The following CNTN4 variants were observed in gnomAD, a reference collection of about 807,000 sequenced individuals.
CNTN4 encodes the protein contactin-4.
Under a neutral mutation model 122.5 loss-of-function variants are expected in CNTN4, and 77 were observed. That is an observed-to-expected ratio of 0.63 (90% CI 0.52 to 0.76). The LOEUF (loss-of-function observed/expected upper bound fraction) is 0.76, where lower values mean the gene tolerates loss of function less well. Among genes scored for constraint, CNTN4 ranks in the 30% least tolerant of loss-of-function variants. The pLI is 0.00. For synonymous variants in CNTN4, 512 were observed against 447.0 expected, an observed-to-expected ratio of 1.15 and a Z score of -1.83; for missense variants, 1,256 against 1,259.1, an observed-to-expected ratio of 1.00 and a Z score of 0.04.
intron 7 of CNTN4, among the ~76,000 whole-genome samples, chr3:2,853,885 T>A (rs1239054078): frequency 6.6e-6 from 1 of 152,188 alleles, no homozygotes; most frequent in Non-Finnish European, 1.5e-5. Context: ...CACTCCCATC[T>A]CTATGCTGGC....
At chr3:2,167,717 TA>T (rs1358885377) in intron 2 of CNTN4, among the ~76,000 whole-genome samples, 2 of 152,252 alleles carry the variant, frequency 1.3e-5, no homozygotes, top group Non-Finnish European at 2.9e-5. Context: ...ATATGATGAC[TA>T]AAAGTAAATG....
intron 6 of CNTN4, among the ~76,000 whole-genome samples, chr3:2,800,499 G>GAGTT (rs1309155656): frequency 6.6e-6 from 1 of 152,184 alleles, no homozygotes; most frequent in Non-Finnish European, 1.5e-5. Context: ...ACAAGATGAG[G>GAGTT]AGTTCTTCAG....
chr3:2,764,691 A>G (rs550245186), intron 6 of CNTN4, among the ~76,000 whole-genome samples: 1 of 152,354 alleles, frequency 6.6e-6, no homozygotes, highest in South Asian at 2.1e-4. Context: ...GCAAGACAGT[A>G]GCTTTCTGTA....
intron 4 of CNTN4, chr3:2,735,743 C>A (rs757739925): frequency 3.6e-5 from 12 of 335,476 alleles, no homozygotes; most frequent in Non-Finnish European, 7.0e-5. Context: ...ATTAGCAATA[C>A]GGAGCTGTTA....
intron 2 of CNTN4, among the ~76,000 whole-genome samples, chr3:2,302,435 A>C (rs953203211): frequency 6.6e-6 from 1 of 152,252 alleles, no homozygotes; most frequent in African/African-American, 2.4e-5. Context: ...CTCAAAAAAC[A>C]AACAAACAGA....
chr3:2,582,032 T>A (rs537116716), intron 4 of CNTN4, among the ~76,000 whole-genome samples: 25 of 152,348 alleles, frequency 1.6e-4, no homozygotes, highest in African/African-American at 6.0e-4. Flanking sequence ...ATATGTGATG[T>A]CTTTTTAGGC....
intron 2 of CNTN4, among the ~76,000 whole-genome samples, chr3:2,101,586 A>G (rs116288955): frequency 0.012 from 1,865 of 152,194 alleles, 33 homozygotes; most frequent in African/African-American, 0.043. Flanking sequence ...TTTTCCCTGT[A>G]ATGCTATGTT....
intron 2 of CNTN4, among the ~76,000 whole-genome samples, chr3:2,313,575 G>T (rs890692488): frequency 6.6e-6 from 1 of 151,946 alleles, no homozygotes; most frequent in African/African-American, 2.4e-5. Context: ...AGAATCTGAC[G>T]CTCAGAATAA....
intron 3 of CNTN4, among the ~76,000 whole-genome samples, chr3:2,418,897 G>A (rs2047514576): frequency 6.6e-6 from 1 of 152,094 alleles, no homozygotes; most frequent in African/African-American, 2.4e-5. Flanking sequence ...AGAATCCCAG[G>A]AAAGGAAAGA....
intron 4 of CNTN4, among the ~76,000 whole-genome samples, chr3:2,594,968 A>C (rs911040388): frequency 1.3e-5 from 2 of 152,246 alleles, no homozygotes; most frequent in Non-Finnish European, 2.9e-5. Flanking sequence ...CTTTTAAAAG[A>C]AGTAACATTG....
intron 6 of CNTN4, among the ~76,000 whole-genome samples, chr3:2,785,916 C>A (rs2091802483): frequency 1.4e-5 from 2 of 140,690 alleles, no homozygotes; most frequent in Non-Finnish European, 3.1e-5. Context: ...CCCCCCCATC[C>A]TGTACCCATA....
At chr3:2,850,797 T>G (rs1378301485) in intron 7 of CNTN4, among the ~76,000 whole-genome samples, 5 of 152,230 alleles carry the variant, frequency 3.3e-5, no homozygotes, top group Non-Finnish European at 7.3e-5. Context: ...AACCAGGGAA[T>G]TTAAATCATA....
At chr3:2,135,539 C>T (rs550880747) in intron 2 of CNTN4, among the ~76,000 whole-genome samples, 2 of 151,536 alleles carry the variant, frequency 1.3e-5, no homozygotes, top group South Asian at 4.2e-4. Context: ...CTTGTTTTTA[C>T]CAGGAAGAAG....
At chr3:2,532,008 T>C (rs1347156689) in intron 3 of CNTN4, among the ~76,000 whole-genome samples, 1 of 152,206 alleles carries the variant, frequency 6.6e-6, no homozygotes, top group African/African-American at 2.4e-5. Context: ...TTGTGTTGCC[T>C]GTTTTTGAAA....
intron 3 of CNTN4, among the ~76,000 whole-genome samples, chr3:2,485,572 G>A (rs1216161363): frequency 6.6e-6 from 1 of 152,132 alleles, no homozygotes; most frequent in Non-Finnish European, 1.5e-5. Context: ...TCTGTGTCTA[G>A]TTCAAGGTTT....
At chr3:2,107,234 C>A (rs1006398496) in intron 2 of CNTN4, among the ~76,000 whole-genome samples, 3 of 152,138 alleles carry the variant, frequency 2.0e-5, no homozygotes, top group Non-Finnish European at 4.4e-5. Context: ...ATAGCAGTAC[C>A]CCACTCTCTG....
chr3:2,234,009 C>A (rs2039586593), intron 2 of CNTN4, among the ~76,000 whole-genome samples: 1 of 152,022 alleles, frequency 6.6e-6, no homozygotes, highest in Admixed American at 6.6e-5. Context: ...CATATAATTC[C>A]TTTCTCTGTT....
chr3:2,982,172 T>C (rs1001782739), intron 13 of CNTN4, among the ~76,000 whole-genome samples: 4 of 152,214 alleles, frequency 2.6e-5, no homozygotes, highest in African/African-American at 4.8e-5. Context: ...GCTTTTTTCT[T>C]CATATTCGGA....
intron 2 of CNTN4, among the ~76,000 whole-genome samples, chr3:2,287,190 C>A (rs1420085611): frequency 6.6e-6 from 1 of 152,106 alleles, no homozygotes; most frequent in Non-Finnish European, 1.5e-5. Context: ...CAAACTTGAA[C>A]AACTGGAGGA....
Sources: gnomAD v4.1 joint callset for allele counts (sites outside exome capture counted in the v4.1 genomes callset) on GRCh38, gnomAD v4.1.1 for gene constraint, MANE v1.5 for transcripts, NCBI Gene and HGNC (gene_info 2026-07-23, HGNC 2026-07-21) for gene names.